TANK: variants seen among roughly 807,000 people sequenced by gnomAD.
TANK encodes TRAF family member associated NFKB activator.
In TANK, 15 loss-of-function variants were observed where a neutral mutation model predicts 43.6. The observed-to-expected ratio is 0.34, with a 90% CI of 0.23 to 0.53. The LOEUF (loss-of-function observed/expected upper bound fraction) is 0.53, where lower values mean the gene tolerates loss of function less well. TANK is among the 20% of genes least tolerant of loss of function. The pLI is 0.94. For synonymous variants in TANK, 162 were observed against 178.2 expected (o/e 0.91, Z 0.73); for missense variants, 417 against 498.6 (o/e 0.84, Z 1.56).
chr2:161,195,152 T>C (rs1484848739), intron 2 of TANK, among the ~76,000 whole-genome samples: 9 of 152,186 alleles, frequency 5.9e-5, no homozygotes, highest in Admixed American at 5.2e-4. Context: ...GATTGGTTAA[T>C]AAAGAATTAA....
At chr2:161,176,544 A>G (rs752234452) in intron 1 of TANK, among the ~76,000 whole-genome samples, 29 of 152,188 alleles carry the variant, frequency 1.9e-4, no homozygotes, top group Middle Eastern at 3.2e-3. Context: ...ATTTACTTGC[A>G]TATGATGCAG....
intron 1 of TANK, among the ~76,000 whole-genome samples, chr2:161,173,913 G>T (rs1185208592): frequency 1.3e-5 from 2 of 152,078 alleles, no homozygotes; most frequent in African/African-American, 4.8e-5. Flanking sequence ...GCTTGTCACT[G>T]TAACATTCCA....
upstream of TANK, among the ~76,000 whole-genome samples, chr2:161,155,556 A>G (rs1684200763): frequency 6.6e-6 from 1 of 152,224 alleles, no homozygotes; most frequent in South Asian, 2.1e-4. Context: ...AATAAATGAT[A>G]ACTTGAGTAG....
At chr2:161,211,869 TCTC>T in intron 4 of TANK, 1 of 985,266 alleles carries the variant, frequency 1.0e-6, no homozygotes. Context: ...ATGTACCGCT[TCTC>T]CTGGTTTTCT....
intron 4 of TANK, among the ~76,000 whole-genome samples, chr2:161,211,430 T>C (rs1477515615): frequency 1.3e-5 from 2 of 152,214 alleles, no homozygotes; most frequent in African/African-American, 4.8e-5. Context: ...GTTAAGTTGC[T>C]GTATGTTGTC....
chr2:161,161,293 T>G, intron 1 of TANK: 1 of 1,550,568 alleles, frequency 6.4e-7, no homozygotes, highest in Non-Finnish European at 8.7e-7. Context: ...AGGAGATGCT[T>G]TTGACAAGTT....
At chr2:161,138,681 A>C (rs562909634) in intron 1 of TANK, among the ~76,000 whole-genome samples, 1 of 152,344 alleles carries the variant, frequency 6.6e-6, no homozygotes, top group East Asian at 1.9e-4. Context: ...TCTGCCCAGC[A>C]GCCAACTGGG....
intron 2 of TANK, among the ~76,000 whole-genome samples, chr2:161,181,933 T>C (rs983712678): frequency 2.6e-5 from 4 of 152,030 alleles, no homozygotes; most frequent in African/African-American, 9.7e-5. Context: ...AAAAAAAAAT[T>C]ACTAGCCTGT....
chr2:161,182,172 A>G (rs1346164514), intron 2 of TANK, among the ~76,000 whole-genome samples: 1 of 152,044 alleles, frequency 6.6e-6, no homozygotes, highest in African/African-American at 2.4e-5. Context: ...GATTAGGTTC[A>G]TTAAGAAGAC....
intron 1 of TANK, chr2:161,160,981 G>A: frequency 4.4e-6 from 2 of 450,432 alleles, no homozygotes; most frequent in Admixed American, 3.3e-5. Context: ...CCTTCCTGTG[G>A]GGTGTCATCA....
chr2:161,201,195 A>G (rs1311112235), intron 2 of TANK: 1 of 982,242 alleles, frequency 1.0e-6, no homozygotes, highest in African/African-American at 1.7e-5. Context: ...CCTTTATAAT[A>G]CTTTATTAAG....
At chr2:161,201,034 A>G (rs1686384619) in intron 2 of TANK, 7 of 915,874 alleles carry the variant, frequency 7.6e-6, no homozygotes, top group African/African-American at 1.8e-5. Context: ...CTAGAGGGAA[A>G]TCAGACATTA....
chr2:161,179,524 TA>T lies in TANK; in HGVS notation c.-49-87del, dbSNP rs566451731. 3.0e-4 allele frequency: 349 copies of T among 1,155,618 alleles called. No individual in the cohort carries two copies. The African/African-American group carries it at 5.0e-3, about 16-fold the overall frequency. The allele number at this position is 1,155,618 out of a possible 1,614,324, so 71.6% of individuals were successfully genotyped here. A position where few individuals can be genotyped will look rare whatever the true frequency, so the allele number is the denominator to read the frequency against. ...GTACTTGGTGGTATAATGTTTGTGG[TA>T]AACCTTATAGAACTATCTTTAAGAT... On this transcript the variant is annotated intron_variant, in intron 1 of 7. Coordinates refer to ENST00000392749, the MANE Select transcript of TANK (RefSeq NM_001199135.3).
chr2:161,209,054 G>A (rs764498072), intron 4 of TANK, among the ~76,000 whole-genome samples: 20 of 152,148 alleles, frequency 1.3e-4, no homozygotes, highest in African/African-American at 4.1e-4. Flanking sequence ...TTGATGAAAC[G>A]TAAGGGAACT....
intron 4 of TANK, among the ~76,000 whole-genome samples, chr2:161,205,540 T>C (rs1189470388): frequency 6.6e-6 from 1 of 152,054 alleles, no homozygotes; most frequent in Admixed American, 6.5e-5. Flanking sequence ...CAAGACTCTA[T>C]TGAAGTAATA....
chr2:161,199,079 A>G (rs912296754), intron 2 of TANK, among the ~76,000 whole-genome samples: 6 of 152,210 alleles, frequency 3.9e-5, no homozygotes, highest in African/African-American at 1.2e-4. Context: ...ATTAGTTTCT[A>G]TCTAAAGTGC....
intron 4 of TANK, chr2:161,207,315 A>T (rs1284790584): frequency 1.3e-6 from 1 of 796,192 alleles, no homozygotes; most frequent in Non-Finnish European, 1.5e-6. Flanking sequence ...GTAAGGAATA[A>T]ACCTAACTTC....
intron 1 of TANK, among the ~76,000 whole-genome samples, chr2:161,179,270 C>T: frequency 6.6e-6 from 1 of 152,102 alleles, no homozygotes; most frequent in East Asian, 1.9e-4. Flanking sequence ...GAAATCCCTT[C>T]CCACATTGCT....
chr2:161,163,407 C>T (rs1684529469), intron 1 of TANK: 1 of 151,770 alleles, frequency 6.6e-6, no homozygotes, highest in African/African-American at 2.4e-5. Flanking sequence ...TGGTTATTTC[C>T]CCCCTACACA....
Sources: gnomAD v4.1 joint callset for allele counts (sites outside exome capture counted in the v4.1 genomes callset) on GRCh38, gnomAD v4.1.1 for gene constraint, MANE v1.5 for transcripts, NCBI Gene and HGNC (gene_info 2026-07-23, HGNC 2026-07-21) for gene names.